WWP2: variants seen among roughly 807,000 people sequenced by gnomAD.
The protein encoded by WWP2 is NEDD4-like E3 ubiquitin-protein ligase WWP2.
Under a neutral mutation model 121.0 loss-of-function variants are expected in WWP2, and 57 were observed. The ratio of observed to expected loss-of-function variants is 0.47; its 90% confidence interval spans 0.38 to 0.59. WWP2 has a LOEUF of 0.59. Among genes scored for constraint, WWP2 ranks in the 20% least tolerant of loss-of-function variants. The probability of loss-of-function intolerance (pLI) is 0.00; values close to 1 mark genes in which losing one functional copy is unlikely to be tolerated. For missense variants in WWP2, 962 were observed against 1,158.9 expected, an observed-to-expected ratio of 0.83 and a Z score of 2.47; for synonymous variants, 449 against 441.3, an observed-to-expected ratio of 1.02 and a Z score of -0.22.
At chr16:69,917,978 G>A (rs190474472) in intron 10 of WWP2, 95 bp downstream of exon 10, 325 of 1,454,104 alleles carry the variant, frequency 2.2e-4, no homozygotes, top group Non-Finnish European at 2.9e-4. Flanking sequence ...TAGTGAGCAG[G>A]GAAAACAGCG....
At chr16:69,838,799 G>A in intron 4 of WWP2, 1 of 985,532 alleles carries the variant, frequency 1.0e-6, no homozygotes, top group Non-Finnish European at 1.2e-6. Flanking sequence ...AATAGCAGCA[G>A]ACTCACTCAG....
At chr16:69,825,488 T>C (rs1308778296) in intron 4 of WWP2, among the ~76,000 whole-genome samples, 1 of 151,860 alleles carries the variant, frequency 6.6e-6, no homozygotes, top group African/African-American at 2.4e-5. Flanking sequence ...GGCTTTGGAA[T>C]GTGTGCATTT....
chr16:69,795,191 G>A (rs1192711095), intron 2 of WWP2, among the ~76,000 whole-genome samples: 1 of 151,966 alleles, frequency 6.6e-6, no homozygotes, highest in Admixed American at 6.6e-5. Context: ...AGCCGTGATC[G>A]TGCCACTGCA....
chr16:69,815,586 G>C (rs558373720), intron 4 of WWP2, among the ~76,000 whole-genome samples: 51 of 151,872 alleles, frequency 3.4e-4, no homozygotes, highest in African/African-American at 1.1e-3. Context: ...AGGAGTTTGA[G>C]ACCAGCGTGG....
chr16:69,825,354 G>A (rs1298338629), intron 4 of WWP2, among the ~76,000 whole-genome samples: 5 of 151,344 alleles, frequency 3.3e-5, no homozygotes, highest in Non-Finnish European at 7.4e-5. Context: ...AACCCAGGAG[G>A]CAGAGGTTGC....
At chr16:69,798,498 C>A (rs1268993351) in intron 2 of WWP2, among the ~76,000 whole-genome samples, 184 bp from the exon 3 acceptor site, 1 of 144,646 alleles carries the variant, frequency 6.9e-6, no homozygotes, top group East Asian at 2.0e-4. Context: ...TTTTTTTTTA[C>A]ACTTCATATT....
intron 8 of WWP2, among the ~76,000 whole-genome samples, chr16:69,905,293 G>C (rs1406557549): frequency 6.6e-6 from 1 of 152,148 alleles, no homozygotes; most frequent in Non-Finnish European, 1.5e-5. Context: ...TGTCCGCTTT[G>C]GGGGGTGTGT....
intron 1 of WWP2, 51 bp from the exon 2 acceptor site, chr16:69,786,945 C>T: frequency 6.7e-7 from 1 of 1,489,990 alleles, no homozygotes; most frequent in East Asian, 2.3e-5. Context: ...TTAAACTCCT[C>T]TGTCTTCTTA....
At chr16:69,868,709 A>G (rs2151912622) in intron 6 of WWP2, among the ~76,000 whole-genome samples, 1 of 152,110 alleles carries the variant, frequency 6.6e-6, no homozygotes, top group East Asian at 1.9e-4. Flanking sequence ...ACACACACAG[A>G]TATACACACA....
At chr16:69,914,427 T>C (rs1001794783) in intron 9 of WWP2, among the ~76,000 whole-genome samples, 3 of 60,600 alleles carry the variant, frequency 5.0e-5, no homozygotes, top group African/African-American at 2.9e-4. Context: ...CCATCCTTCT[T>C]CTCAGCTGTA....
At chr16:69,893,913 C>T (rs1440562272) in intron 8 of WWP2, among the ~76,000 whole-genome samples, 5 of 152,154 alleles carry the variant, frequency 3.3e-5, no homozygotes, top group Non-Finnish European at 5.9e-5. Context: ...CAGCACGGCT[C>T]CTCTTCACTG....
At position 69,936,002 on chromosome 16, in the gene WWP2, C is replaced by T. The variant is rs2058791844; in HGVS notation, c.1976+16C>T. On this transcript the variant is annotated intron_variant, in intron 18 of 23. Coordinates refer to ENST00000359154, the MANE Select transcript of WWP2 (RefSeq NM_001270454.2). ...TCTGGATCAAGTGAGTTCCCTGCCC[C>T]CTTGCCCCACCGCGCTGATAGGAGG... The T allele has an allele frequency of 6.2e-7, 1 of 1,612,600 alleles. No individual in the cohort carries two copies. Among genetic ancestry groups the T allele is most frequent in the South Asian group, 1.1e-5 (1 of 90,830 alleles).
At chr16:69,835,098 A>G (rs2056852359) in intron 4 of WWP2, among the ~76,000 whole-genome samples, 1 of 152,252 alleles carries the variant, frequency 6.6e-6, no homozygotes, top group East Asian at 1.9e-4. Flanking sequence ...AGTTATGGAA[A>G]TAGACTCACT....
intron 8 of WWP2, among the ~76,000 whole-genome samples, chr16:69,901,938 G>A (rs906182131): frequency 3.3e-5 from 5 of 152,172 alleles, no homozygotes; most frequent in Non-Finnish European, 5.9e-5. Flanking sequence ...GTGACAGAAC[G>A]AGACTTCGTC....
chr16:69,931,837 G>A lies in WWP2; in HGVS notation c.1629G>A (p.Arg543=), dbSNP rs746131716. The change falls in exon 16 of 24, where the codon CGG becomes CGA. Residue 543 remains arginine (R), a synonymous_variant. Transcript: ENST00000359154. ...TGAAACCCTATGACCTGCGCCGCCG[G>A]CTCTACATCATCATGCGTGGCGAGG... ...MNMKPYDLRR[R]LYIIMRGEEG... 15 of 1,613,598 alleles carry A rather than the reference G, an allele frequency of 9.3e-6. No individual in the cohort carries two copies. The highest frequency in any genetic ancestry group is 1.1e-5 in the Non-Finnish European group (13 of 1,180,026).
intron 9 of WWP2, among the ~76,000 whole-genome samples, chr16:69,912,369 T>TCA (rs3051446): frequency 0.031 from 4,285 of 140,238 alleles, 91 homozygotes; most frequent in South Asian, 0.039. Context: ...GGAGTTAGAT[T>TCA]CACACACACA....
rs147708483 is a variant in WWP2 at position 69,938,279 on chromosome 16, G to A, written c.2343+627G>A. ...TCCTTCCATCTCACCCTCCCAAAGTGCTGGGATTACAGGCGTGAGCCACTG... is the reference window on the plus strand; with the variant it reads ...TCCTTCCATCTCACCCTCCCAAAGTACTGGGATTACAGGCGTGAGCCACTG... On this transcript the variant is annotated intron_variant, in intron 21 of 23. Transcript: ENST00000359154. Among the ~76,000 whole-genome samples, 601 of 151,982 alleles carry A rather than the reference G, an allele frequency of 4.0e-3. 6 individuals are homozygous for A. The highest frequency in any genetic ancestry group is 0.014 in the African/African-American group (562 of 41,456).
intron 7 of WWP2, among the ~76,000 whole-genome samples, chr16:69,881,453 G>GA (rs1307114875): frequency 6.6e-6 from 1 of 152,162 alleles, no homozygotes; most frequent in Non-Finnish European, 1.5e-5. Flanking sequence ...TCCTGGGTTG[G>GA]ATCTTGGAAC....
At chr16:69,822,052 A>T (rs2056603174) in intron 4 of WWP2, among the ~76,000 whole-genome samples, 1 of 151,838 alleles carries the variant, frequency 6.6e-6, no homozygotes, top group South Asian at 2.1e-4. Context: ...TTTTTTGTAG[A>T]GACAGGGTCT....
Sources: allele counts gnomAD v4.1 joint callset (sites outside exome capture counted in the v4.1 genomes callset), GRCh38; gene constraint gnomAD v4.1.1; transcripts MANE v1.5; gene names NCBI Gene and HGNC (gene_info 2026-07-23, HGNC 2026-07-21).